C1QTNF3: variants seen among roughly 807,000 people sequenced by gnomAD.
C1QTNF3 encodes the protein C1q and TNF related 3, also known as complement C1q tumor necrosis factor-related protein 3.
Under a neutral mutation model 32.6 loss-of-function variants are expected in C1QTNF3, and 26 were observed. The observed-to-expected ratio is 0.80, with a 90% CI of 0.58 to 1.11. The LOEUF (loss-of-function observed/expected upper bound fraction) is 1.11, where lower values mean the gene tolerates loss of function less well. Ranked by LOEUF, C1QTNF3 falls within the 50% of genes least tolerant of loss-of-function variation. The pLI is 0.00. For missense variants in C1QTNF3, 362 were observed against 398.2 expected, an observed-to-expected ratio of 0.91 and a Z score of 0.77; for synonymous variants, 155 against 146.0, an observed-to-expected ratio of 1.06 and a Z score of -0.44.
chr5:34,155,444 G>A, the C1QTNF3 span, among the ~76,000 whole-genome samples: 2 of 152,108 alleles, frequency 1.3e-5, no homozygotes, highest in African/African-American at 2.4e-5. Context: ...TTACCCCACT[G>A]GGCATATTTA....
the C1QTNF3 span, among the ~76,000 whole-genome samples, chr5:34,100,274 G>C: frequency 2.0e-5 from 3 of 152,032 alleles, no homozygotes; most frequent in African/African-American, 4.8e-5. Flanking sequence ...ATTCAAAGGA[G>C]AGAAGTTCTA....
chr5:34,125,056 G>A, the C1QTNF3 span, among the ~76,000 whole-genome samples: 6 of 152,146 alleles, frequency 3.9e-5, no homozygotes, highest in African/African-American at 1.4e-4. Context: ...GAAAGAGAAG[G>A]CAAGCATGAC....
chr5:34,075,988 A>G, the C1QTNF3 span, among the ~76,000 whole-genome samples: 2 of 151,584 alleles, frequency 1.3e-5, no homozygotes, highest in Non-Finnish European at 2.9e-5. Context: ...GGAAACTTAA[A>G]GACATTGTAC....
At chr5:34,038,395 G>T (rs1020179131) in intron 1 of C1QTNF3, among the ~76,000 whole-genome samples, 14 of 152,218 alleles carry the variant, frequency 9.2e-5, no homozygotes, top group African/African-American at 3.4e-4. Context: ...GGTGTTTTAA[G>T]AAAGACGTAT....
the C1QTNF3 span, among the ~76,000 whole-genome samples, chr5:34,091,742 T>C: frequency 6.6e-6 from 1 of 152,056 alleles, no homozygotes; most frequent in Admixed American, 6.5e-5. Flanking sequence ...TCTCGTTTTA[T>C]AAGCATAGTA....
chr5:34,108,057 AGAG>A, the C1QTNF3 span, among the ~76,000 whole-genome samples: 1 of 152,098 alleles, frequency 6.6e-6, no homozygotes, highest in South Asian at 2.1e-4. Context: ...AAAGAAAGAG[AGAG>A]GAGTTTTATG....
At chr5:34,169,085 A>G in the C1QTNF3 span, 2 of 152,184 alleles carry the variant, frequency 1.3e-5, no homozygotes, top group Non-Finnish European at 2.9e-5. Flanking sequence ...GGGTGCAGCA[A>G]CAAAGTACTC....
the C1QTNF3 span, among the ~76,000 whole-genome samples, chr5:34,066,595 C>T: frequency 6.6e-6 from 1 of 151,806 alleles, no homozygotes; most frequent in Non-Finnish European, 1.5e-5. Flanking sequence ...AAATTTCCTT[C>T]TGTGTGATAA....
the C1QTNF3 span, among the ~76,000 whole-genome samples, chr5:34,148,267 C>T: frequency 7.1e-6 from 1 of 140,542 alleles, no homozygotes; most frequent in Non-Finnish European, 1.6e-5. Flanking sequence ...AAGGCGGCAA[C>T]GAGGCTGGGG....
At chr5:34,084,351 T>A in the C1QTNF3 span, among the ~76,000 whole-genome samples, 1 of 151,762 alleles carries the variant, frequency 6.6e-6, no homozygotes, top group Non-Finnish European at 1.5e-5. Flanking sequence ...TATTGAGACA[T>A]TCGCTGAGAG....
the C1QTNF3 span, among the ~76,000 whole-genome samples, chr5:34,183,327 C>CT: frequency 1.5e-4 from 21 of 140,256 alleles, no homozygotes; most frequent in South Asian, 2.2e-4. Flanking sequence ...TTTTAATTTT[C>CT]TTTTTTTTTT....
At chr5:34,213,787 A>AGTG in the C1QTNF3 span, among the ~76,000 whole-genome samples, 3 of 6,204 alleles carry the variant, frequency 4.8e-4, no homozygotes, top group Non-Finnish European at 1.3e-3. Flanking sequence ...GTATATATAC[A>AGTG]TATATATATA....
At chr5:34,228,060 C>T in the C1QTNF3 span, among the ~76,000 whole-genome samples, 2 of 149,994 alleles carry the variant, frequency 1.3e-5, no homozygotes, top group South Asian at 2.1e-4. Flanking sequence ...TTTTTATTAA[C>T]TAACATGGAA....
At chr5:34,026,489 G>GA (rs1754462833) in intron 4 of C1QTNF3, among the ~76,000 whole-genome samples, 1 of 117,036 alleles carries the variant, frequency 8.5e-6, no homozygotes, top group African/African-American at 3.9e-5. Flanking sequence ...GAAAAGAAAA[G>GA]AAAGAAAAAA....
the C1QTNF3 span, among the ~76,000 whole-genome samples, chr5:34,080,515 T>C: frequency 6.6e-6 from 1 of 151,862 alleles, no homozygotes; most frequent in African/African-American, 2.4e-5. Flanking sequence ...CTTTGCTAGA[T>C]GCATGTGCTA....
the C1QTNF3 span, among the ~76,000 whole-genome samples, chr5:34,136,566 T>C: frequency 6.6e-6 from 1 of 152,220 alleles, no homozygotes; most frequent in Admixed American, 6.5e-5. Context: ...TGTAAATTAG[T>C]TCAACCATGT....
At chr5:34,169,986 AT>A in the C1QTNF3 span, among the ~76,000 whole-genome samples, 6 of 152,334 alleles carry the variant, frequency 3.9e-5, no homozygotes, top group Admixed American at 3.9e-4. Flanking sequence ...GCACTCTCAC[AT>A]TTATAGCATC....
At chr5:34,160,740 C>T in the C1QTNF3 span, among the ~76,000 whole-genome samples, 2 of 152,056 alleles carry the variant, frequency 1.3e-5, no homozygotes, top group African/African-American at 2.4e-5. Flanking sequence ...CTGCTAAAAG[C>T]ACTGTGAAGG....
chr5:34,243,956 A>G, the C1QTNF3 span, among the ~76,000 whole-genome samples: 1 of 152,190 alleles, frequency 6.6e-6, no homozygotes, highest in Non-Finnish European at 1.5e-5. Flanking sequence ...AACCAAGAGA[A>G]TATGTTTCTA....
Sources: allele counts gnomAD v4.1 joint callset (sites outside exome capture counted in the v4.1 genomes callset), GRCh38; gene constraint gnomAD v4.1.1; transcripts MANE v1.5; gene names NCBI Gene and HGNC (gene_info 2026-07-23, HGNC 2026-07-21).